Variants in TAS2R1 observed in about 807,000 individuals in gnomAD.
The protein encoded by TAS2R1 is taste receptor type 2 member 1.
For synonymous variants in TAS2R1, 141 were observed against 134.2 expected (o/e 1.05, Z -0.35); for missense variants, 370 against 353.4 (o/e 1.05, Z -0.38).
intron 2 of TAS2R1, chr5:9,645,555 G>A (rs1168932523): frequency 6.6e-6 from 1 of 152,080 alleles, no homozygotes; most frequent in African/African-American, 2.4e-5. Context: ...TTGTTTATGG[G>A]CCTTACTTGG....
the TAS2R1 span, among the ~76,000 whole-genome samples, chr5:9,876,241 A>G: frequency 2.1e-3 from 320 of 152,258 alleles, no homozygotes; most frequent in South Asian, 3.9e-3. Flanking sequence ...AACCAAAAAA[A>G]AAAAAAAAGT....
chr5:9,742,165 G>A, the TAS2R1 span, among the ~76,000 whole-genome samples: 47 of 152,078 alleles, frequency 3.1e-4, no homozygotes, highest in Non-Finnish European at 5.3e-4. Context: ...GATTACAGAC[G>A]TGAGCCACCA....
chr5:9,734,814 C>T, the TAS2R1 span, among the ~76,000 whole-genome samples: 1 of 149,942 alleles, frequency 6.7e-6, no homozygotes, highest in African/African-American at 2.5e-5. Flanking sequence ...GATAAGACAA[C>T]AGAAAATTGC....
chr5:9,729,202 T>C, the TAS2R1 span, among the ~76,000 whole-genome samples: 2 of 152,314 alleles, frequency 1.3e-5, no homozygotes, highest in South Asian at 4.1e-4. Flanking sequence ...GGGGCAGTTT[T>C]TGGGGACTGC....
At chr5:9,788,086 A>G in the TAS2R1 span, among the ~76,000 whole-genome samples, 1 of 152,236 alleles carries the variant, frequency 6.6e-6, no homozygotes. Context: ...CAGCATTCAA[A>G]GAGAACTCAG....
intron 1 of TAS2R1, among the ~76,000 whole-genome samples, chr5:9,662,397 C>T (rs370402685): frequency 5.9e-5 from 9 of 152,294 alleles, no homozygotes; most frequent in South Asian, 2.1e-4. Flanking sequence ...GATTCTGCCA[C>T]GCAGAGCATG....
At chr5:9,703,788 G>A (rs1741540864) in intron 1 of TAS2R1, among the ~76,000 whole-genome samples, 1 of 152,212 alleles carries the variant, frequency 6.6e-6, no homozygotes, top group Admixed American at 6.5e-5. Context: ...GTCAGTTGGA[G>A]TGGATAAGGA....
the TAS2R1 span, among the ~76,000 whole-genome samples, chr5:9,817,238 C>T: frequency 3.3e-5 from 5 of 152,174 alleles, no homozygotes; most frequent in Admixed American, 6.5e-5. Flanking sequence ...AAAGATACCC[C>T]TAACTGAAAA....
chr5:9,794,638 C>A, the TAS2R1 span, among the ~76,000 whole-genome samples: 4 of 151,972 alleles, frequency 2.6e-5, no homozygotes, highest in Non-Finnish European at 5.9e-5. Flanking sequence ...AAACAATTAC[C>A]CTAAGTAAAC....
At chr5:9,855,548 G>A in the TAS2R1 span, among the ~76,000 whole-genome samples, 5 of 152,164 alleles carry the variant, frequency 3.3e-5, no homozygotes, top group Non-Finnish European at 7.3e-5. Flanking sequence ...AAAGAACAGC[G>A]TATCAGTCAC....
At chr5:9,785,618 A>G in the TAS2R1 span, among the ~76,000 whole-genome samples, 1 of 152,202 alleles carries the variant, frequency 6.6e-6, no homozygotes, top group Non-Finnish European at 1.5e-5. Flanking sequence ...CATTTATACA[A>G]TTTTATTCCT....
At chr5:9,796,720 G>GAAAAAAAAAAAAAAAAAAA in the TAS2R1 span, among the ~76,000 whole-genome samples, 6 of 77,334 alleles carry the variant, frequency 7.8e-5, no homozygotes, top group East Asian at 1.1e-3. Context: ...GCTATTTTCT[G>GAAAAAAAAAAAAAAAAAAA]GAAAAAAAAA....
At chr5:9,695,171 T>A (rs764355670) in intron 1 of TAS2R1, among the ~76,000 whole-genome samples, 2 of 152,224 alleles carry the variant, frequency 1.3e-5, no homozygotes, top group Non-Finnish European at 2.9e-5. Flanking sequence ...GGGAAGCTCC[T>A]AACAAAATCA....
chr5:9,775,261 A>G, the TAS2R1 span, among the ~76,000 whole-genome samples: 1 of 152,168 alleles, frequency 6.6e-6, no homozygotes, highest in South Asian at 2.1e-4. Context: ...ATGTTCACTC[A>G]AGGCTAAGGG....
At chr5:9,843,813 T>C in the TAS2R1 span, among the ~76,000 whole-genome samples, 1 of 152,332 alleles carries the variant, frequency 6.6e-6, no homozygotes, top group African/African-American at 2.4e-5. Context: ...TTCAACATAG[T>C]TGCAAGCTGG....
the TAS2R1 span, among the ~76,000 whole-genome samples, chr5:9,878,813 A>T: frequency 6.6e-6 from 1 of 152,246 alleles, no homozygotes; most frequent in East Asian, 1.9e-4. Flanking sequence ...AACTGTGTCA[A>T]CTAAGCTGAG....
At chr5:9,884,150 G>A in the TAS2R1 span, 1 of 152,132 alleles carries the variant, frequency 6.6e-6, no homozygotes, top group African/African-American at 2.4e-5. Context: ...CATGACAGTG[G>A]AGTCCTCATT....
At chr5:9,828,740 G>A in the TAS2R1 span, among the ~76,000 whole-genome samples, 1 of 152,164 alleles carries the variant, frequency 6.6e-6, no homozygotes, top group Admixed American at 6.5e-5. Context: ...GAATGATACA[G>A]TTGAATTCCA....
At chr5:9,697,677 C>CA (rs1311535370) in intron 1 of TAS2R1, among the ~76,000 whole-genome samples, 3 of 151,868 alleles carry the variant, frequency 2.0e-5, no homozygotes, top group Non-Finnish European at 2.9e-5. Context: ...TTCTATTTGC[C>CA]AAAAAATGTT....
Sources: gnomAD v4.1 joint callset for allele counts (sites outside exome capture counted in the v4.1 genomes callset) on GRCh38, gnomAD v4.1.1 for gene constraint, MANE v1.5 for transcripts, NCBI Gene and HGNC (gene_info 2026-07-23, HGNC 2026-07-21) for gene names.